AGBL4: variants seen among roughly 807,000 people sequenced by gnomAD.
AGBL4 encodes AGBL carboxypeptidase 4, also known as cytosolic carboxypeptidase 6.
Under a neutral mutation model 66.4 loss-of-function variants are expected in AGBL4, and 58 were observed. That is an observed-to-expected ratio of 0.87 (90% CI 0.71 to 1.09). The LOEUF (loss-of-function observed/expected upper bound fraction) is 1.09, where lower values mean the gene tolerates loss of function less well. AGBL4 is among the 50% of genes least tolerant of loss of function. The pLI, the probability that AGBL4 is intolerant of heterozygous loss-of-function variation, is 0.00. For missense variants in AGBL4, 579 were observed against 631.0 expected (o/e 0.92, Z 0.88); for synonymous variants, 234 against 222.9 (o/e 1.05, Z -0.44).
At chr1:48,844,127 C>T (rs1270459426) in intron 6 of AGBL4, among the ~76,000 whole-genome samples, 1 of 152,148 alleles carries the variant, frequency 6.6e-6, no homozygotes, top group Non-Finnish European at 1.5e-5. Context: ...GAATTCTGTG[C>T]TCTGGCACCC....
intron 3 of AGBL4, among the ~76,000 whole-genome samples, chr1:49,442,100 T>G (rs1018899992): frequency 6.6e-6 from 1 of 152,172 alleles, no homozygotes; most frequent in Non-Finnish European, 1.5e-5. Context: ...AGTGTTGTCT[T>G]ATTTAAGTTT....
intron 9 of AGBL4, among the ~76,000 whole-genome samples, chr1:48,597,578 C>T (rs1645012147): frequency 6.6e-6 from 1 of 151,458 alleles, no homozygotes; most frequent in African/African-American, 2.4e-5. Flanking sequence ...ATGCACCTGT[C>T]AAGCAAGAAT....
At chr1:50,013,212 A>C (rs1321509228) in intron 1 of AGBL4, among the ~76,000 whole-genome samples, 2 of 152,230 alleles carry the variant, frequency 1.3e-5, no homozygotes, top group Non-Finnish European at 2.9e-5. Context: ...TAAAGGAAGA[A>C]ATAGTCCTCT....
intron 6 of AGBL4, among the ~76,000 whole-genome samples, chr1:48,707,645 A>G (rs1183121994): frequency 6.6e-6 from 1 of 152,156 alleles, no homozygotes; most frequent in Admixed American, 6.5e-5. Context: ...TTTGTGGTGA[A>G]GTCTATCATT....
intron 5 of AGBL4, among the ~76,000 whole-genome samples, chr1:48,902,949 G>A (rs1352766506): frequency 1.3e-5 from 2 of 152,034 alleles, no homozygotes; most frequent in East Asian, 3.9e-4. Flanking sequence ...CAGTCCTCTG[G>A]CTCTGCCTGC....
intron 2 of AGBL4, among the ~76,000 whole-genome samples, chr1:49,783,534 A>T (rs999749802): frequency 6.6e-6 from 1 of 152,196 alleles, no homozygotes; most frequent in African/African-American, 2.4e-5. Context: ...TAAAAAGCCC[A>T]CAACTAATAT....
intron 5 of AGBL4, among the ~76,000 whole-genome samples, chr1:48,994,692 T>G (rs1220451479): frequency 6.6e-6 from 1 of 152,206 alleles, no homozygotes; most frequent in Non-Finnish European, 1.5e-5. Flanking sequence ...ATATATGGCT[T>G]ACTTATGATG....
At chr1:48,718,236 C>A (rs1287125855) in intron 6 of AGBL4, among the ~76,000 whole-genome samples, 1 of 152,208 alleles carries the variant, frequency 6.6e-6, no homozygotes, top group Non-Finnish European at 1.5e-5. Context: ...GTCTACTTGG[C>A]ACTGGACTGG....
At chr1:49,569,075 GCAA>G (rs1644274770) in intron 3 of AGBL4, among the ~76,000 whole-genome samples, 1 of 152,162 alleles carries the variant, frequency 6.6e-6, no homozygotes, top group Non-Finnish European at 1.5e-5. Context: ...CTTGTCATTT[GCAA>G]CAACATGAAT....
At chr1:48,994,034 GGATGA>G (rs1660816209) in intron 5 of AGBL4, among the ~76,000 whole-genome samples, 1 of 152,152 alleles carries the variant, frequency 6.6e-6, no homozygotes, top group African/African-American at 2.4e-5. Context: ...CCTGAAGGGA[GGATGA>G]TCAGTGGAGG....
chr1:49,555,548 T>C (rs933936563), intron 3 of AGBL4, among the ~76,000 whole-genome samples: 2 of 147,984 alleles, frequency 1.4e-5, no homozygotes, highest in Admixed American at 6.8e-5. Flanking sequence ...ACTCTGTGTG[T>C]AGCTCAAGGT....
intron 3 of AGBL4, among the ~76,000 whole-genome samples, chr1:49,684,563 C>T (rs536410192): frequency 6.6e-6 from 1 of 152,240 alleles, no homozygotes; most frequent in East Asian, 1.9e-4. Flanking sequence ...CATGTCATGT[C>T]ACATCAATCA....
chr1:49,416,094 A>G (rs1570663901), intron 3 of AGBL4, among the ~76,000 whole-genome samples: 1 of 152,090 alleles, frequency 6.6e-6, no homozygotes, highest in East Asian at 1.9e-4. Flanking sequence ...GATTATATGA[A>G]TATAGTCTTT....
At chr1:49,613,340 C>A (rs1645188501) in intron 3 of AGBL4, among the ~76,000 whole-genome samples, 1 of 152,062 alleles carries the variant, frequency 6.6e-6, no homozygotes, top group Non-Finnish European at 1.5e-5. Context: ...ACACAATATA[C>A]CAATGTACCA....
intron 1 of AGBL4, among the ~76,000 whole-genome samples, chr1:49,938,502 C>T (rs1571912607): frequency 6.6e-6 from 1 of 152,158 alleles, no homozygotes; most frequent in East Asian, 1.9e-4. Context: ...TTTATGAGGA[C>T]AGCACATCCT....
At chr1:48,566,318 G>A (rs1212582922) in intron 11 of AGBL4, among the ~76,000 whole-genome samples, 1 of 152,128 alleles carries the variant, frequency 6.6e-6, no homozygotes, top group Admixed American at 6.5e-5. Context: ...AGACTGTGAG[G>A]GTAGATGTTA....
chr1:49,021,785 G>A (rs982706439), intron 5 of AGBL4, among the ~76,000 whole-genome samples: 4 of 152,118 alleles, frequency 2.6e-5, no homozygotes, highest in Admixed American at 6.6e-5. Context: ...CCAAGGTCAC[G>A]CTCCTAGGAA....
chr1:49,729,324 A>G (rs939988284), intron 2 of AGBL4, among the ~76,000 whole-genome samples: 10 of 152,170 alleles, frequency 6.6e-5, no homozygotes, highest in Non-Finnish European at 2.9e-5. Context: ...TCTTTAAACA[A>G]AAACAAGCAA....
At chr1:49,284,186 C>T (rs1210066757) in intron 3 of AGBL4, among the ~76,000 whole-genome samples, 4 of 152,118 alleles carry the variant, frequency 2.6e-5, no homozygotes, top group Non-Finnish European at 4.4e-5. Context: ...GGCAGAAACC[C>T]TACAAGCCAG....
Sources: allele counts gnomAD v4.1 joint callset (sites outside exome capture counted in the v4.1 genomes callset), GRCh38; gene constraint gnomAD v4.1.1; transcripts MANE v1.5; gene names NCBI Gene and HGNC (gene_info 2026-07-23, HGNC 2026-07-21).